The following CP variants were observed in gnomAD, a reference collection of about 807,000 sequenced individuals.
CP encodes caeruloplasmin.
Under a neutral mutation model 122.4 loss-of-function variants are expected in CP, and 64 were observed. That is an observed-to-expected ratio of 0.52 (90% CI 0.43 to 0.64). The LOEUF (loss-of-function observed/expected upper bound fraction) is 0.64, where lower values mean the gene tolerates loss of function less well. Among genes scored for constraint, CP ranks in the 30% least tolerant of loss-of-function variants. CP has a pLI of 0.00. For missense variants in CP, 1,167 were observed against 1,284.4 expected, an observed-to-expected ratio of 0.91 and a Z score of 1.40; for synonymous variants, 440 against 436.4, an observed-to-expected ratio of 1.01 and a Z score of -0.10.
chr3:149,166,737 G>A (rs1428132360), intron 4 of CP, among the ~76,000 whole-genome samples: 1 of 152,070 alleles, frequency 6.6e-6, no homozygotes, highest in Non-Finnish European at 1.5e-5. Context: ...ATTCTCTTAG[G>A]ATAGAGTCCT....
chr3:149,212,243 G>A (rs773522909), intron 2 of CP, among the ~76,000 whole-genome samples: 14 of 152,006 alleles, frequency 9.2e-5, no homozygotes, highest in South Asian at 2.1e-4. Context: ...CCCCGGATGC[G>A]GTGCTTGCAG....
chr3:149,202,069 T>G, intron 7 of CP, 33 bp downstream of exon 7: 1 of 1,613,748 alleles, frequency 6.2e-7, no homozygotes, highest in Non-Finnish European at 8.5e-7. Context: ...ATGGGAAGAG[T>G]AAACCAGCCA....
downstream of CP, among the ~76,000 whole-genome samples, chr3:149,171,149 G>A (rs149184082): frequency 0.15 from 22,384 of 151,894 alleles, 2,193 homozygotes; most frequent in East Asian, 0.28. Context: ...GTGGTGGTGC[G>A]CACCTGTAGT....
downstream of CP, chr3:149,172,318 TCACACACA>T (rs113015797): frequency 3.1e-4 from 180 of 571,934 alleles, no homozygotes; most frequent in South Asian, 5.2e-4. Context: ...ATTTTATATA[TCACACACA>T]CACACACACA....
chr3:149,180,318 G>A lies in CP; in HGVS notation c.2555-656C>T, dbSNP rs35652604. 2.2e-3 allele frequency among the ~76,000 whole-genome samples: 333 copies of A among 152,110 alleles called. 1 individual carries two copies. Among genetic ancestry groups the A allele is most frequent in the African/African-American group, 7.8e-3 (323 of 41,488 alleles). On this transcript the variant is annotated intron_variant, in intron 14 of 18. Transcript: ENST00000264613. ...ACATACAGGACATAACCACACCCTC[G>A]GCCTTGGCATTTTGAAGACGACCAG...
At position 149,211,353 on chromosome 3, in the gene CP, G is replaced by T. The variant is rs144931119; in HGVS notation, c.395-974C>A. Among the ~76,000 whole-genome samples, 293 of 152,298 alleles carry T rather than the reference G, an allele frequency of 1.9e-3. 2 individuals are homozygous for T. Among genetic ancestry groups the T allele is most frequent in the African/African-American group, 6.4e-3 (268 of 41,568 alleles). On this transcript the variant is annotated intron_variant, in intron 2 of 18. Coordinates refer to ENST00000264613, the MANE Select transcript of CP (RefSeq NM_000096.4). ...TTATTATCTCTATTTTATAGATGAG[G>T]AAACTGAAGCTGAAAGAACTTAAGT...
At chr3:149,181,370 C>T (rs1368101433) in intron 14 of CP, among the ~76,000 whole-genome samples, 1 of 152,142 alleles carries the variant, frequency 6.6e-6, no homozygotes, top group Non-Finnish European at 1.5e-5. Context: ...TTCAGCAATG[C>T]CACCTCCTCA....
chr3:149,167,372 A>G, intron 4 of CP: 4 of 729,302 alleles, frequency 5.5e-6, no homozygotes, highest in Non-Finnish European at 9.7e-6. Context: ...TCCATTGAGC[A>G]TATATGTTTA....
At chr3:149,171,917 G>A (rs564541505), downstream of CP, among the ~76,000 whole-genome samples, 2 of 152,118 alleles carry the variant, frequency 1.3e-5, no homozygotes, top group Admixed American at 6.5e-5. Flanking sequence ...ATGTTGGCCA[G>A]ACTGGTCTTG....
Position 149,183,537 on chromosome 3 carries a change from C to A in CP, c.2354G>T (p.Arg785Leu). ...ACGGAATGTGCTATCAGTATACTGC[C>A]GATACACAACTTTCTTGTACTTTGA... ...IGSKYKKVVY[R>L]QYTDSTFRVP... is the part of the protein sequence containing the mutation. Residue 785 changes from arginine to leucine, a missense_variant, in exon 13 of 19, where the codon CGG becomes CTG. Arg to Leu is a moderately radical substitution (Grantham distance 102). Around this residue, in one of 2 missense-constraint regions of CP, gnomAD observed 525 missense variants for 657.2 expected, o/e 0.80. Transcript: ENST00000264613. 1 of 1,610,378 alleles carries A rather than the reference C, an allele frequency of 6.2e-7. No individual in the cohort carries two copies. Among genetic ancestry groups the A allele is most frequent in the South Asian group, 1.1e-5 (1 of 90,968 alleles).
Position 149,188,747 on chromosome 3 carries a change from C to CA in CP, c.1714-546dup, listed in dbSNP as rs777740795. 4.3e-3 allele frequency among the ~76,000 whole-genome samples: 644 copies of CA among 149,600 alleles called. 1 individual carries two copies. The highest frequency in any genetic ancestry group is 7.8e-3 in the Admixed American group (118 of 15,052). ...CTCCCACTTCTCCCAGTGGAAAAAA[C>CA]AAAAAAAAAGGAGCAGAAGTGCATC... On this transcript the variant is annotated intron_variant, in intron 9 of 18. Coordinates refer to ENST00000264613, the MANE Select transcript of CP (RefSeq NM_000096.4).
Position 149,221,681 on chromosome 3 carries a change from C to G in CP, c.112G>C (p.Asp38His), listed in dbSNP as rs778135414. 6.2e-7 allele frequency: 1 copy of G among 1,613,092 alleles called. No individual in the cohort carries two copies. Among genetic ancestry groups the G allele is most frequent in the Non-Finnish European group, 8.5e-7 (1 of 1,179,672 alleles). ...IIETTWDYAS[D>H]HGEKKLISVD... ...GAAATAAGTTTCTTTTCCCCATGGT[C>G]AGAGGCATAATCCCAAGTCGTTTCA... Residue 38 changes from aspartate to histidine, a missense_variant, in exon 1 of 19, where the codon GAC becomes CAC. Transcript: ENST00000264613.
intron 6 of CP, among the ~76,000 whole-genome samples, chr3:149,205,210 A>G (rs1191320533): frequency 6.6e-6 from 1 of 151,086 alleles, no homozygotes; most frequent in East Asian, 1.9e-4. Flanking sequence ...CAAAACAGAA[A>G]ATAACAAGTG....
In CP at chr3:149,202,127, A is replaced by C. The variant is rs1727369134; in HGVS notation, c.1323T>G (p.Pro441=). The C allele has an allele frequency of 5.0e-6, 8 of 1,614,196 alleles. No individual in the cohort carries two copies. Among genetic ancestry groups the C allele is most frequent in the Non-Finnish European group, 5.9e-6 (7 of 1,180,016 alleles). ...CCAGGATGCCAAGATGCTCTTCTTC[A>C]GGGCCTCTCTCCTTTCGATTTGTGA... ...ASFTNRKERG[P]EEEHLGILGP... Residue 441 remains proline, a synonymous_variant, in exon 7 of 19, where the codon CCT becomes CCG. Transcript: ENST00000264613.
At chr3:149,186,853 C>G (rs1404052540) in intron 10 of CP, 121 bp from the exon 11 acceptor site, 6 of 859,262 alleles carry the variant, frequency 7.0e-6, no homozygotes, top group Non-Finnish European at 1.1e-5. Flanking sequence ...CAGGCTTGCC[C>G]ACGCTTTATG....
Position 149,184,028 on chromosome 3 carries a change from CTTTTTTTTTTTTTTT to C in CP, c.2286-438_2286-424del, listed in dbSNP as rs869206210. 3.6e-3 allele frequency among the ~76,000 whole-genome samples: 226 copies of C among 63,622 alleles called. 4 individuals carry two copies. In the Middle Eastern group the frequency reaches 0.12, roughly 35 times the overall value. 41.7% of individuals were successfully genotyped at this position (63,622 alleles called of 152,430 possible). ...CCAGGCATTCCCTTTTCACTTACTT[CTTTTTTTTTTTTTTT>C]TTTTTTTTTTTTTGAGGAGTCTTGC... On this transcript the variant is annotated intron_variant, in intron 12 of 18. Transcript: ENST00000264613.
At chr3:149,174,195 T>C (rs1725250029) in intron 18 of CP, among the ~76,000 whole-genome samples, 4 of 152,184 alleles carry the variant, frequency 2.6e-5, no homozygotes, top group African/African-American at 9.7e-5. Flanking sequence ...AAGGAATTAT[T>C]CAGAGTAAAG....
chr3:149,221,163 A>G (rs7652826), intron 1 of CP, among the ~76,000 whole-genome samples: 66,577 of 152,050 alleles, frequency 0.44, 16,856 homozygotes, highest in East Asian at 0.6. Context: ...TGAAGCTGTG[A>G]AAGATTAACC....
At chr3:149,208,175 G>A (rs1727869993) in intron 4 of CP, among the ~76,000 whole-genome samples, 1 of 152,014 alleles carries the variant, frequency 6.6e-6, no homozygotes, top group Non-Finnish European at 1.5e-5. Flanking sequence ...GGGCAGCAGG[G>A]ACAGAGCCAC....
Sources: allele counts gnomAD v4.1 joint callset (sites outside exome capture counted in the v4.1 genomes callset), GRCh38; gene constraint gnomAD v4.1.1; regional missense constraint gnomAD v4.1.1; transcripts MANE v1.5; gene names NCBI Gene and HGNC (gene_info 2026-07-23, HGNC 2026-07-21).